The following ZFTA variants were observed in gnomAD, a reference collection of about 807,000 sequenced individuals.
ZFTA encodes zinc finger translocation-associated protein.
ZFTA carries 35 observed loss-of-function variants against 41.8 expected under a neutral mutation model. The observed-to-expected ratio is 0.84, with a 90% CI of 0.64 to 1.11. ZFTA has a LOEUF of 1.11. Ranked by LOEUF, ZFTA falls within the 50% of genes most tolerant of loss-of-function variation. ZFTA has a pLI of 0.00. For missense variants in ZFTA, 964 were observed against 989.8 expected (o/e 0.97, Z 0.35); for synonymous variants, 514 against 436.4 (o/e 1.18, Z -2.22).
intron 1 of ZFTA, 43 bp downstream of exon 1, chr11:63,768,441 C>T: frequency 9.2e-7 from 1 of 1,081,576 alleles, no homozygotes; most frequent in Non-Finnish European, 1.1e-6. Context: ...CTCCCTTCCC[C>T]CACGCCGGGG....
Position 63,764,353 on chromosome 11 carries a change from G to T in ZFTA, c.1270C>A (p.Leu424Met). ...CCGTCCAACTCCATGAGGTACTCCA[G>T]CCGCCAGCGCTCCTGGGGGTGGCGG... ...HRRHPQERWR[L>M]EYLMELDGGR... The change falls in exon 4 of 5, where the codon CTG becomes ATG. Residue 424 changes from leucine to methionine, a missense_variant. Coordinates refer to ENST00000433688, the MANE Select transcript of ZFTA (RefSeq NM_001144936.2). The T allele has an allele frequency of 7.5e-7, 1 of 1,330,298 alleles. No homozygotes were observed. Among genetic ancestry groups the T allele is most frequent in the South Asian group, 1.8e-5 (1 of 54,416 alleles). 82.4% of individuals were successfully genotyped at this position (1,330,298 alleles called of 1,614,324 possible).
At position 63,764,679 on chromosome 11, in the gene ZFTA, T is replaced by C. The variant is rs1489547948; in HGVS notation, c.1025-81A>G. 8 of 1,304,054 alleles carry C rather than the reference T, an allele frequency of 6.1e-6. No homozygotes were observed. In the Admixed American group the frequency reaches 2.6e-4, roughly 43 times the overall value. The allele number at this position is 1,304,054 out of a possible 1,614,324, so 80.8% of individuals were successfully genotyped here. On this transcript the variant is annotated intron_variant, in intron 3 of 4. Coordinates refer to ENST00000433688, the MANE Select transcript of ZFTA (RefSeq NM_001144936.2). ...CCCACTCAGAGGGGTCCATCCTGGC[T>C]CCTCACCCCAGCCCCAAGCTAGAGG...
rs2014728821 is a variant in ZFTA at position 63,765,323 on chromosome 11, C to T, written c.638-69G>A. 14 of 1,394,558 alleles carry T rather than the reference C, an allele frequency of 1.0e-5. No individual in the cohort carries two copies. In the East Asian group the frequency reaches 3.8e-4, roughly 38 times the overall value. 86.4% of individuals were successfully genotyped at this position (1,394,558 alleles called of 1,614,324 possible). A position where few individuals can be genotyped will look rare whatever the true frequency, so the allele number is the denominator to read the frequency against. ...GAGCATACCCACTACAGCCAGGTCT[C>T]CCACAAGCCTCTCACTCACTTGGGC... On this transcript the variant is annotated intron_variant, in intron 2 of 4. Coordinates refer to ENST00000433688, the MANE Select transcript of ZFTA (RefSeq NM_001144936.2). This position sits in a 1 kb window ranked among gnomAD's most constrained non-coding sequence, Gnocchi z 4.0.
At chr11:63,766,890 A>G (rs1160657080) in intron 1 of ZFTA, among the ~76,000 whole-genome samples, 1 of 152,206 alleles carries the variant, frequency 6.6e-6, no homozygotes, top group Admixed American at 6.5e-5. Context: ...CATGGGAGGG[A>G]TCCCCAAGAC....
In ZFTA at chr11:63,768,673, G is replaced by T. The variant is rs1444623149; in HGVS notation, c.-51C>A. The T allele has an allele frequency of 3.8e-5, 35 of 913,348 alleles. No individual in the cohort carries two copies. The highest frequency in any genetic ancestry group is 4.4e-5 in the Non-Finnish European group (34 of 768,498). 56.6% of individuals were successfully genotyped at this position (913,348 alleles called of 1,614,324 possible). A position where few individuals can be genotyped will look rare whatever the true frequency, so the allele number is the denominator to read the frequency against. On this transcript the variant is annotated 5_prime_UTR_variant, in exon 1 of 5. Coordinates refer to ENST00000433688, the MANE Select transcript of ZFTA (RefSeq NM_001144936.2). ...GGGGCGGCGGGGCGCGGGGCCGCGG[G>T]GCCGGCGGCAGCCCGCGCGGAGCGC...
Position 63,764,578 on chromosome 11 carries a change from C to T in ZFTA, c.1045G>A (p.Asp349Asn). 1.6e-6 allele frequency: 2 copies of T among 1,256,030 alleles called. No individual in the cohort carries two copies. The highest frequency in any genetic ancestry group is 1.5e-5 in the African/African-American group (1 of 64,676). 77.8% of individuals were successfully genotyped at this position (1,256,030 alleles called of 1,614,324 possible). The change falls in exon 4 of 5, where the codon GAC (aspartate) becomes AAC (asparagine). Residue 349 changes from aspartate (D) to asparagine (N), a missense_variant. Around this residue, in one of 5 missense-constraint regions of ZFTA, gnomAD observed 584 missense variants for 523.1 expected, o/e 1.12. Coordinates refer to ENST00000433688, the MANE Select transcript of ZFTA (RefSeq NM_001144936.2). ...SPPGDDLAPQ[D>N]LTGKSRDSAS... ...GAGTCCCGGCTCTTTCCGGTCAGGT[C>T]CTGGGGGGCGAGGTCATCGCCTGTT...
In ZFTA at chr11:63,762,470, G is replaced by GC. The variant is rs1565057248; in HGVS notation, c.*947dup. Reference sequence around the variant, plus strand: ...CCTGCGGCTGCCACGGGGAAAAGAGGCCGAGGCCCGGCCCCAGGCCCTGCG... The same window carrying GC: ...CCTGCGGCTGCCACGGGGAAAAGAGGCCCGAGGCCCGGCCCCAGGCCCTGCG... On this transcript the variant is annotated 3_prime_UTR_variant, in exon 5 of 5. Transcript: ENST00000433688. 1.3e-5 allele frequency: 2 copies of GC among 152,206 alleles called. No individual in the cohort carries two copies. The highest frequency in any genetic ancestry group is 4.8e-5 in the African/African-American group (2 of 41,442). The allele number at this position is 152,206 out of a possible 1,614,324, so 9.4% of individuals were successfully genotyped here.
Position 63,768,659 on chromosome 11 carries a change from G to GC in ZFTA, c.-38dup. On this transcript the variant is annotated 5_prime_UTR_variant, in exon 1 of 5. Transcript: ENST00000433688. The stretch of plus-strand genomic sequence containing the variant: ...CGGAGCGGGGCCCCGGGGCGGCGGG[G>GC]CGCGGGGCCGCGGGGCCGGCGGCAG... 11 of 955,814 alleles carry GC rather than the reference G, an allele frequency of 1.2e-5. No individual in the cohort carries two copies. Among genetic ancestry groups the GC allele is most frequent in the Non-Finnish European group, 1.4e-5 (11 of 807,422 alleles). The allele number at this position is 955,814 out of a possible 1,614,324, so 59.2% of individuals were successfully genotyped here. A position where few individuals can be genotyped will look rare whatever the true frequency, so the allele number is the denominator to read the frequency against.
At position 63,765,828 on chromosome 11, in the gene ZFTA, C is replaced by A. The variant is rs77749149; in HGVS notation, c.616G>T (p.Ala206Ser). ...EEEEEGAGVP[A>S]CPPKGPGKAP... The stretch of plus-strand genomic sequence containing the variant: ...TTACCTGGGCCCTTGGGCGGGCAAG[C>A]TGGGACACCGGCCCCCTCCTCCTCC... The change falls in exon 2 of 5, where the codon GCT (alanine) becomes TCT (serine). Residue 206 changes from alanine (A) to serine (S), a missense_variant. By Grantham distance (99) the Ala-to-Ser change is moderately conservative. Transcript: ENST00000433688. This position sits in a 1 kb window ranked among gnomAD's most constrained non-coding sequence, Gnocchi z 4.0. 640 of 1,489,246 alleles carry A rather than the reference C, an allele frequency of 4.3e-4. 6 individuals carry two copies. In the East Asian group the frequency reaches 0.015, roughly 35 times the overall value. The allele number at this position is 1,489,246 out of a possible 1,614,324, so 92.3% of individuals were successfully genotyped here. A position where few individuals can be genotyped will look rare whatever the true frequency, so the allele number is the denominator to read the frequency against.
Position 63,763,390 on chromosome 11 carries a change from C to CGACCT in ZFTA, c.*23_*27dup. On this transcript the variant is annotated 3_prime_UTR_variant, in exon 5 of 5. Coordinates refer to ENST00000433688, the MANE Select transcript of ZFTA (RefSeq NM_001144936.2). ...GGGGCGGGGCCGATCCGACCCGACCCGACCTGACCCGGGGGCCCGCTAGGC... is the reference window on the plus strand; with the variant it reads ...GGGGCGGGGCCGATCCGACCCGACCCGACCTGACCTGACCCGGGGGCCCGCTAGGC... 3.2e-6 allele frequency: 4 copies of CGACCT among 1,257,248 alleles called. No homozygotes were observed. Among genetic ancestry groups the CGACCT allele is most frequent in the South Asian group, 4.3e-5 (2 of 46,714 alleles). The allele number at this position is 1,257,248 out of a possible 1,614,324, so 77.9% of individuals were successfully genotyped here.
At chr11:63,766,334 C>G (rs1409920163) in intron 1 of ZFTA, 30 bp from the exon 2 acceptor site, 14 of 1,409,182 alleles carry the variant, frequency 9.9e-6, no homozygotes, top group Non-Finnish European at 1.3e-5. Flanking sequence ...GACAGTTTTT[C>G]AATCTCTGAT....
rs1023049526 is a variant in ZFTA, at chr11:63,768,455, C to G, written c.139+29G>C. The G allele has an allele frequency of 7.2e-6, 8 of 1,103,994 alleles. No individual in the cohort carries two copies. The South Asian group carries it at 8.1e-5, about 11-fold the overall frequency. 68.4% of individuals were successfully genotyped at this position (1,103,994 alleles called of 1,614,324 possible). A position where few individuals can be genotyped will look rare whatever the true frequency, so the allele number is the denominator to read the frequency against. On this transcript the variant is annotated intron_variant, in intron 1 of 4. Transcript: ENST00000433688. ...CCTCCCTTCCCCCACGCCGGGGCCC[C>G]CGCCCGGGCCGCCGGCCCCAGCTCT...
Position 63,766,123 on chromosome 11 carries a change from G to A in ZFTA, c.321C>T (p.Asp107=). ...CCATCAGGTACTCCAGCCGCCAGTGGTCGTGGTAGTAGCGCCGGTGGTCAC... is the reference window on the plus strand; with the variant it reads ...CCATCAGGTACTCCAGCCGCCAGTGATCGTGGTAGTAGCGCCGGTGGTCAC... ...PGRDHRRYYH[D]HWRLEYLMDF... is the part of the protein sequence containing the mutation. Residue 107 remains aspartate (D), a synonymous_variant, in exon 2 of 5, where the codon GAC becomes GAT. Coordinates refer to ENST00000433688, the MANE Select transcript of ZFTA (RefSeq NM_001144936.2). 1.3e-6 allele frequency: 2 copies of A among 1,520,764 alleles called. No individual in the cohort carries two copies. Among genetic ancestry groups the A allele is most frequent in the Non-Finnish European group, 1.8e-6 (2 of 1,129,974 alleles). 94.2% of individuals were successfully genotyped at this position (1,520,764 alleles called of 1,614,324 possible). A position where few individuals can be genotyped will look rare whatever the true frequency, so the allele number is the denominator to read the frequency against.
Position 63,765,842 on chromosome 11 carries a change from C to CCCT in ZFTA, c.599_601dup (p.Glu200dup), listed in dbSNP as rs376623591. 1.4e-5 allele frequency: 21 copies of CCCT among 1,492,772 alleles called. No homozygotes were observed. The highest frequency in any genetic ancestry group is 6.7e-5 in the South Asian group (5 of 74,548). The allele number at this position is 1,492,772 out of a possible 1,614,324, so 92.5% of individuals were successfully genotyped here. On this transcript the variant is annotated inframe_insertion, in exon 2 of 5. Transcript: ENST00000433688. This position sits in a 1 kb window ranked among gnomAD's most constrained non-coding sequence, Gnocchi z 4.0. Reference sequence around the variant, plus strand: ...GGGCGGGCAAGCTGGGACACCGGCCCCCTCCTCCTCCTCCTCTTCTTCCTC... The same window carrying CCCT: ...GGGCGGGCAAGCTGGGACACCGGCCCCCTCCTCCTCCTCCTCCTCTTCTTCCTC...
chr11:63,766,335 AAT>A, intron 1 of ZFTA, 31 bp from the exon 2 acceptor site: 1 of 1,408,980 alleles, frequency 7.1e-7, no homozygotes, highest in Non-Finnish European at 9.2e-7. Context: ...ACAGTTTTTC[AAT>A]CTCTGATTTC....
intron 1 of ZFTA, chr11:63,767,180 C>T (rs2014760004): frequency 6.6e-6 from 1 of 152,342 alleles, no homozygotes; most frequent in South Asian, 2.1e-4. Context: ...AGACACCCAC[C>T]CAGAGCAGTC....
chr11:63,764,592 T>C lies in ZFTA; in HGVS notation c.1031A>G (p.Asp344Gly). The C allele has an allele frequency of 8.0e-7, 1 of 1,254,572 alleles. No homozygotes were observed. Among genetic ancestry groups the C allele is most frequent in the Non-Finnish European group, 1.0e-6 (1 of 996,804 alleles). 77.7% of individuals were successfully genotyped at this position (1,254,572 alleles called of 1,614,324 possible). ...TCCGGTCAGGTCCTGGGGGGCGAGG[T>C]CATCGCCTGTTGGGGAAGGGGTGAG... ...SELTQSPPGD[D>G]LAPQDLTGKS... Residue 344 changes from aspartate (D) to glycine (G), a missense_variant, in exon 4 of 5, where the codon GAC becomes GGC. Physicochemically the swap from Asp to Gly is moderately conservative, Grantham distance 94 (BLOSUM62 -1). Around this residue, in one of 5 missense-constraint regions of ZFTA, gnomAD observed 584 missense variants for 523.1 expected, o/e 1.12. Transcript: ENST00000433688.
chr11:63,762,227 T>G lies in ZFTA; in HGVS notation c.*1191A>C, dbSNP rs995368463. 1 of 152,264 alleles carries G rather than the reference T, an allele frequency of 6.6e-6. No individual in the cohort carries two copies. The highest frequency in any genetic ancestry group is 1.5e-5 in the Non-Finnish European group (1 of 68,084). The allele number at this position is 152,264 out of a possible 1,614,324, so 9.4% of individuals were successfully genotyped here. On this transcript the variant is annotated 3_prime_UTR_variant, in exon 5 of 5. Coordinates refer to ENST00000433688, the MANE Select transcript of ZFTA (RefSeq NM_001144936.2). ...TCACAGCTTATCTCTGATACACGCA[T>G]AATAAATAAGACATTTGCACATAAG...
chr11:63,764,817 C>T (rs1215749658), intron 3 of ZFTA, 51 bp downstream of exon 3: 14 of 1,432,804 alleles, frequency 9.8e-6, no homozygotes, highest in Non-Finnish European at 1.2e-5. Flanking sequence ...CCACAGACCC[C>T]ACTTCAGAGC....
Sources: allele counts gnomAD v4.1 joint callset (sites outside exome capture counted in the v4.1 genomes callset), GRCh38; gene constraint gnomAD v4.1.1; regional missense constraint gnomAD v4.1.1; non-coding constraint Gnocchi (gnomAD v3.1); transcripts MANE v1.5; gene names NCBI Gene and HGNC (gene_info 2026-07-23, HGNC 2026-07-21).